The following PPP1R1C variants were observed in gnomAD, a reference collection of about 807,000 sequenced individuals.
The protein encoded by PPP1R1C is protein phosphatase 1 regulatory subunit 1C.
Under a neutral mutation model 17.4 loss-of-function variants are expected in PPP1R1C, and 15 were observed. That is an observed-to-expected ratio of 0.86 (90% CI 0.58 to 1.33). The LOEUF (loss-of-function observed/expected upper bound fraction) is 1.33, where lower values mean the gene tolerates loss of function less well. PPP1R1C is among the 40% of genes most tolerant of loss of function. The pLI, the probability that PPP1R1C is intolerant of heterozygous loss-of-function variation, is 0.00. For missense variants in PPP1R1C, 143 were observed against 130.0 expected, an observed-to-expected ratio of 1.10 and a Z score of -0.48; for synonymous variants, 35 against 43.1, an observed-to-expected ratio of 0.81 and a Z score of 0.73.
chr2:182,119,943 G>T (rs1257524041), downstream of PPP1R1C, among the ~76,000 whole-genome samples: 1 of 152,174 alleles, frequency 6.6e-6, no homozygotes, highest in Non-Finnish European at 1.5e-5. Flanking sequence ...GGCTTTTGTT[G>T]CCATTGCTTT....
At chr2:181,995,867 CCACAATTCCAGA>C (rs780992398) in intron 2 of PPP1R1C, among the ~76,000 whole-genome samples, 20 of 151,806 alleles carry the variant, frequency 1.3e-4, no homozygotes, top group African/African-American at 3.6e-4. Context: ...GACACAGTTT[CCACAATTCCAGA>C]CACAATTCCA....
At chr2:182,043,027 G>A (rs958511761) in intron 2 of PPP1R1C, among the ~76,000 whole-genome samples, 1 of 152,132 alleles carries the variant, frequency 6.6e-6, no homozygotes, top group African/African-American at 2.4e-5. Flanking sequence ...GTAAGCAACT[G>A]CAAACAATGA....
chr2:181,990,202 G>A (rs1489320469), intron 2 of PPP1R1C, among the ~76,000 whole-genome samples: 10 of 151,528 alleles, frequency 6.6e-5, no homozygotes, highest in African/African-American at 1.9e-4. Context: ...GCAGTGGCGC[G>A]ATCTCAGCTC....
chr2:182,104,193 A>T (rs188796259), intron 4 of PPP1R1C, among the ~76,000 whole-genome samples: 1 of 152,180 alleles, frequency 6.6e-6, no homozygotes, highest in Non-Finnish European at 1.5e-5. Context: ...TGTGACTTGT[A>T]TTGCTTTTTC....
chr2:182,109,702 T>C (rs1372832762), intron 4 of PPP1R1C, among the ~76,000 whole-genome samples: 1 of 152,186 alleles, frequency 6.6e-6, no homozygotes, highest in African/African-American at 2.4e-5. Flanking sequence ...TCCATTGTTC[T>C]CTTTGTCTGT....
At position 181,957,024 on chromosome 2, in the gene PPP1R1C, T is replaced by A. The variant is rs780345087; in HGVS notation, n.111+2390T>A. Among the ~76,000 whole-genome samples the A allele has an allele frequency of 5.4e-4, 82 of 152,152 alleles. No individual in the cohort carries two copies. The highest frequency in any genetic ancestry group is 1.0e-3 in the Non-Finnish European group (71 of 68,016). On this transcript the variant is annotated intron_variant and non_coding_transcript_variant, in intron 1 of 5. Coordinates refer to the PPP1R1C transcript ENST00000464264. This position sits in a 1 kb window ranked among gnomAD's most constrained non-coding sequence, Gnocchi z 4.2. ...GGACCAGAAAAATTTCATCAGCTGTTTTAATTTAAATAAGTATGCATGTGC... is the reference window on the plus strand; with the variant it reads ...GGACCAGAAAAATTTCATCAGCTGTATTAATTTAAATAAGTATGCATGTGC...
intron 4 of PPP1R1C, among the ~76,000 whole-genome samples, chr2:182,074,235 G>A (rs1688227685): frequency 6.6e-6 from 1 of 151,806 alleles, no homozygotes; most frequent in Non-Finnish European, 1.5e-5. Flanking sequence ...TAGAGACGGG[G>A]TTTCACCATA....
At chr2:182,102,969 G>C (rs547562136) in intron 4 of PPP1R1C, among the ~76,000 whole-genome samples, 2 of 152,012 alleles carry the variant, frequency 1.3e-5, no homozygotes, top group Non-Finnish European at 2.9e-5. Flanking sequence ...ACCATGCATG[G>C]CTGATTTATT....
At chr2:182,059,582 T>C (rs552132526) in intron 2 of PPP1R1C, among the ~76,000 whole-genome samples, 20 of 152,214 alleles carry the variant, frequency 1.3e-4, no homozygotes, top group Admixed American at 1.2e-3. Flanking sequence ...CCGTTGTACC[T>C]TTGTCTGAGT....
intron 2 of PPP1R1C, among the ~76,000 whole-genome samples, chr2:182,038,249 G>A (rs1314872969): frequency 6.6e-6 from 1 of 152,008 alleles, no homozygotes; most frequent in Non-Finnish European, 1.5e-5. Flanking sequence ...ATGTTGGCCA[G>A]GCTGGTCTTG....
chr2:182,071,401 G>A lies in PPP1R1C; in HGVS notation c.241+7610G>A, dbSNP rs144966636. 1.9e-4 allele frequency among the ~76,000 whole-genome samples: 29 copies of A among 152,332 alleles called. No homozygotes were observed. In the East Asian group the frequency reaches 3.8e-3, roughly 20 times the overall value. On this transcript the variant is annotated intron_variant, in intron 4 of 4. Coordinates refer to ENST00000682840, the MANE Select transcript of PPP1R1C (RefSeq NM_001080545.3). ...GTAGTGGATTTTTGGAAGAAAGACA[G>A]CAGAGATAAAGTAACATTTCATCCC...
intron 2 of PPP1R1C, among the ~76,000 whole-genome samples, chr2:182,043,296 G>A (rs1687240636): frequency 6.6e-6 from 1 of 152,074 alleles, no homozygotes; most frequent in Non-Finnish European, 1.5e-5. Context: ...AAAGAGTCTT[G>A]TGATACCCTC....
intron 4 of PPP1R1C, among the ~76,000 whole-genome samples, chr2:182,100,866 A>G (rs567788342): frequency 6.6e-6 from 1 of 152,314 alleles, no homozygotes; most frequent in East Asian, 1.9e-4. Context: ...CAGCAAGATC[A>G]TGGAGGAAGG....
In PPP1R1C at chr2:181,967,380, A is replaced by G. The variant is rs1041203187; in HGVS notation, n.112-7839A>G. Among the ~76,000 whole-genome samples the G allele has an allele frequency of 5.9e-5, 9 of 151,974 alleles. No homozygotes were observed. The highest frequency in any genetic ancestry group is 2.2e-4 in the African/African-American group (9 of 41,394). Reference sequence around the variant, plus strand: ...TTGATTTTCTACATCTTTAACAGGCATTGTAAGGTTGGTCATGTGAAGATT... The same window carrying G: ...TTGATTTTCTACATCTTTAACAGGCGTTGTAAGGTTGGTCATGTGAAGATT... On this transcript the variant is annotated intron_variant and non_coding_transcript_variant, in intron 1 of 5. Transcript: ENST00000464264. The surrounding 1 kb of genome is among the most constrained non-coding windows in gnomAD (Gnocchi z 5.5).
chr2:181,991,782 CACAGGAGAGCATTATTATCTATTCTTAT>C (rs1324607557), intron 2 of PPP1R1C, among the ~76,000 whole-genome samples: 1 of 152,156 alleles, frequency 6.6e-6, no homozygotes, highest in Non-Finnish European at 1.5e-5. Flanking sequence ...TCTGAAGCTA[CACAGGAGAGCATTATTATCTATTCTTAT>C]ACTGTGTGCT....
At chr2:182,008,873 C>T (rs1686006429) in intron 2 of PPP1R1C, among the ~76,000 whole-genome samples, 1 of 152,108 alleles carries the variant, frequency 6.6e-6, no homozygotes, top group Non-Finnish European at 1.5e-5. Flanking sequence ...CACAAATAAG[C>T]GGGAACATGT....
intron 2 of PPP1R1C, among the ~76,000 whole-genome samples, chr2:182,029,211 C>T (rs1271975313): frequency 6.7e-6 from 1 of 149,624 alleles, no homozygotes; most frequent in Non-Finnish European, 1.5e-5. Context: ...AGTCCATTTA[C>T]ATTTAAAGTT....
At chr2:182,099,987 C>CA (rs59469247) in intron 4 of PPP1R1C, among the ~76,000 whole-genome samples, 1 of 151,202 alleles carries the variant, frequency 6.6e-6, no homozygotes, top group Non-Finnish European at 1.5e-5. Flanking sequence ...AGAGACTTAA[C>CA]AAAAAAAAAG....
At chr2:182,040,585 T>C (rs1461292920) in intron 2 of PPP1R1C, among the ~76,000 whole-genome samples, 1 of 152,238 alleles carries the variant, frequency 6.6e-6, no homozygotes, top group African/African-American at 2.4e-5. Context: ...TTTGCAAATA[T>C]TTTCTCCCAT....
Sources: allele counts gnomAD v4.1 joint callset (sites outside exome capture counted in the v4.1 genomes callset), GRCh38; gene constraint gnomAD v4.1.1; non-coding constraint Gnocchi (gnomAD v3.1); transcripts MANE v1.5; gene names NCBI Gene and HGNC (gene_info 2026-07-23, HGNC 2026-07-21).